The following GRIN2A variants were observed in gnomAD, a reference collection of about 807,000 sequenced individuals.
The protein encoded by GRIN2A is glutamate ionotropic receptor NMDA type subunit 2A.
GRIN2A carries 22 observed loss-of-function variants against 113.4 expected under a neutral mutation model. The observed-to-expected ratio is 0.19, with a 90% confidence interval of 0.14 to 0.28. The LOEUF (loss-of-function observed/expected upper bound fraction) is 0.28. GRIN2A is among the 10% of genes least tolerant of loss of function. GRIN2A has a pLI of 1.00. For missense variants in GRIN2A, 1,502 were observed against 1,887.0 expected (o/e 0.80, Z 3.78); for synonymous variants, 827 against 738.4 (o/e 1.12, Z -1.94).
chr16:10,132,175 T>C (rs1325230352), intron 2 of GRIN2A, among the ~76,000 whole-genome samples: 3 of 151,546 alleles, frequency 2.0e-5, no homozygotes, highest in East Asian at 1.9e-4. Context: ...CTTCTAAAAA[T>C]ACAAAAATTA....
intron 2 of GRIN2A, among the ~76,000 whole-genome samples, chr16:10,138,027 C>G (rs1470617331): frequency 2.0e-5 from 3 of 152,214 alleles, no homozygotes; most frequent in Non-Finnish European, 4.4e-5. Context: ...TTACCAATCC[C>G]TGGCCATGAG....
chr16:9,979,651 A>G (rs1483934295), intron 2 of GRIN2A, among the ~76,000 whole-genome samples: 1 of 152,042 alleles, frequency 6.6e-6, no homozygotes, highest in Admixed American at 6.6e-5. Flanking sequence ...TAGAATCTGG[A>G]CATGAAAAGA....
chr16:9,889,458 T>C (rs959757055), intron 4 of GRIN2A, among the ~76,000 whole-genome samples: 1 of 152,164 alleles, frequency 6.6e-6, no homozygotes, highest in African/African-American at 2.4e-5. Context: ...GTGTTCCACC[T>C]TGTTGATTTT....
At chr16:10,102,200 C>A (rs1439452881) in intron 2 of GRIN2A, among the ~76,000 whole-genome samples, 1 of 152,206 alleles carries the variant, frequency 6.6e-6, no homozygotes, top group Non-Finnish European at 1.5e-5. Flanking sequence ...GGAGGTAGGG[C>A]CTGGCGGGAG....
At chr16:9,913,855 A>T (rs2044190627) in intron 3 of GRIN2A, among the ~76,000 whole-genome samples, 1 of 152,184 alleles carries the variant, frequency 6.6e-6, no homozygotes, top group South Asian at 2.1e-4. Flanking sequence ...TAGAAGGCAG[A>T]TAACGTTTGG....
At chr16:10,039,560 A>G (rs1368121705) in intron 2 of GRIN2A, among the ~76,000 whole-genome samples, 1 of 151,940 alleles carries the variant, frequency 6.6e-6, no homozygotes, top group African/African-American at 2.4e-5. Flanking sequence ...GCTGCCACCT[A>G]CAGAACAGAG....
At chr16:10,084,161 T>G (rs190654746) in intron 2 of GRIN2A, among the ~76,000 whole-genome samples, 58 of 152,290 alleles carry the variant, frequency 3.8e-4, no homozygotes, top group African/African-American at 1.3e-3. Flanking sequence ...TATCAAAGGC[T>G]TAGAACCTGG....
At chr16:10,124,742 C>G (rs543626252) in intron 2 of GRIN2A, among the ~76,000 whole-genome samples, 35 of 152,220 alleles carry the variant, frequency 2.3e-4, no homozygotes, top group Admixed American at 9.8e-4. Context: ...AGAGCAGAGG[C>G]CCCACTCTCA....
chr16:9,784,985 T>C (rs1286674432), intron 11 of GRIN2A, among the ~76,000 whole-genome samples: 1 of 152,212 alleles, frequency 6.6e-6, no homozygotes, highest in African/African-American at 2.4e-5. Context: ...ACTTACACTG[T>C]TGGTGGGACT....
chr16:9,957,531 A>G (rs971983141), intron 2 of GRIN2A, among the ~76,000 whole-genome samples: 4 of 152,186 alleles, frequency 2.6e-5, no homozygotes, highest in African/African-American at 4.8e-5. Flanking sequence ...CAATATCACA[A>G]TCCACAGTTG....
intron 4 of GRIN2A, among the ~76,000 whole-genome samples, chr16:9,888,755 A>T (rs1470871186): frequency 3.9e-5 from 6 of 152,008 alleles, no homozygotes; most frequent in African/African-American, 1.2e-4. Context: ...CGATATATAT[A>T]TTATAGGTTT....
chr16:10,090,708 T>G (rs1596494733), intron 2 of GRIN2A, among the ~76,000 whole-genome samples: 1 of 152,158 alleles, frequency 6.6e-6, no homozygotes, highest in Non-Finnish European at 1.5e-5. Flanking sequence ...CCATTAAAAT[T>G]TAAAACTTTT....
intron 3 of GRIN2A, among the ~76,000 whole-genome samples, chr16:9,897,829 T>C (rs549431210): frequency 9.5e-4 from 145 of 152,336 alleles, no homozygotes; most frequent in Non-Finnish European, 1.9e-3. Flanking sequence ...ACTGTAATCA[T>C]GGAAGCAGGG....
intron 2 of GRIN2A, among the ~76,000 whole-genome samples, chr16:9,975,358 G>C (rs2045755226): frequency 6.6e-6 from 1 of 152,136 alleles, no homozygotes; most frequent in Non-Finnish European, 1.5e-5. Context: ...CAAGTCCCCT[G>C]AAAAACAGAG....
At chr16:9,878,854 GAC>G (rs35475437) in intron 4 of GRIN2A, among the ~76,000 whole-genome samples, 49,394 of 148,624 alleles carry the variant, frequency 0.33, 9,647 homozygotes, top group African/African-American at 0.56. Context: ...ACCAGTGCAA[GAC>G]ACACACACAC....
intron 2 of GRIN2A, among the ~76,000 whole-genome samples, chr16:10,086,205 T>C (rs1037100273): frequency 6.6e-5 from 10 of 152,200 alleles, no homozygotes; most frequent in African/African-American, 2.2e-4. Context: ...ACAGCACCTA[T>C]GCAGCAAAGT....
rs188141164 is a variant in GRIN2A at position 10,180,989 on chromosome 16, T to A, written c.-18-560A>T. ...GCTGACCCCGCCCCCTACGAGCCCG[T>A]CGTGTGCACCACACACTTTGCTCTA... On this transcript the variant is annotated intron_variant, in intron 1 of 12. Transcript: ENST00000330684. The surrounding 1 kb of genome is among the most constrained non-coding windows in gnomAD (Gnocchi z 7.0). 6.6e-6 allele frequency among the ~76,000 whole-genome samples: 1 copy of A among 152,140 alleles called. No homozygotes were observed. Among genetic ancestry groups the A allele is most frequent in the Non-Finnish European group, 1.5e-5 (1 of 68,024 alleles).
chr16:10,114,049 A>G (rs1264443948), intron 2 of GRIN2A, among the ~76,000 whole-genome samples: 1 of 152,016 alleles, frequency 6.6e-6, no homozygotes, highest in Non-Finnish European at 1.5e-5. Context: ...TTAATTAGCC[A>G]TGCATGGTGG....
At chr16:10,052,621 T>G (rs1340873366) in intron 2 of GRIN2A, among the ~76,000 whole-genome samples, 1 of 152,064 alleles carries the variant, frequency 6.6e-6, no homozygotes, top group African/African-American at 2.4e-5. Flanking sequence ...GGTAAAGACC[T>G]CCCGGAAAAT....
Sources: allele counts gnomAD v4.1 joint callset (sites outside exome capture counted in the v4.1 genomes callset), GRCh38; gene constraint gnomAD v4.1.1; non-coding constraint Gnocchi (gnomAD v3.1); transcripts MANE v1.5; gene names NCBI Gene and HGNC (gene_info 2026-07-23, HGNC 2026-07-21).